Variants in ZNF740 observed in about 807,000 individuals in gnomAD.
ZNF740 encodes the protein zinc finger protein 740.
A neutral mutation model predicts 24.8 loss-of-function variants in ZNF740; 14 were observed. That is an observed-to-expected ratio of 0.56 (90% CI 0.37 to 0.88). The LOEUF is 0.88. ZNF740 is among the 40% of genes least tolerant of loss of function. The pLI is 0.00. For synonymous variants in ZNF740, 69 were observed against 84.0 expected (o/e 0.82, Z 0.98); for missense variants, 201 against 247.9 (o/e 0.81, Z 1.27).
Position 53,182,241 on chromosome 12 carries a change from G to A in ZNF740, c.9+249G>A, listed in dbSNP as rs542324798. 155 of 546,630 alleles carry A rather than the reference G, an allele frequency of 2.8e-4. 1 individual carries two copies. The highest frequency in any genetic ancestry group is 4.4e-4 in the Non-Finnish European group (134 of 307,168). The allele number at this position is 546,630 out of a possible 1,614,324, so 33.9% of individuals were successfully genotyped here. On this transcript the variant is annotated intron_variant, in intron 2 of 6. Transcript: ENST00000416904. Reference sequence around the variant, plus strand: ...TGATGGGACATTTGCAAAGCAACGTGTACTCAGTTTACATTTGGTACATTA... The same window carrying A: ...TGATGGGACATTTGCAAAGCAACGTATACTCAGTTTACATTTGGTACATTA...
Position 53,184,964 on chromosome 12 carries a change from T to C in ZNF740, c.83T>C (p.Leu28Pro), listed in dbSNP as rs1941794452. Residue 28 changes from leucine to proline, a missense_variant, in exon 3 of 7, where the codon CTG becomes CCG. Physicochemically the swap from Leu to Pro is moderately conservative, Grantham distance 98 (BLOSUM62 -3). Around this residue, in one of 3 missense-constraint regions of ZNF740, gnomAD observed 117 missense variants for 122.3 expected, o/e 0.96. Coordinates refer to ENST00000416904, the MANE Select transcript of ZNF740 (RefSeq NM_001004304.4). ...VPTAASKKMM[L>P]SQIASKQAEN... ...ACTGCAGCCAGCAAGAAGATGATGC[T>C]GAGCCAGATTGCCAGCAAGCAGGCC... is the stretch of plus-strand genomic sequence containing the variant. 1.2e-6 allele frequency: 2 copies of C among 1,614,044 alleles called. No homozygotes were observed. The highest frequency in any genetic ancestry group is 1.7e-6 in the Non-Finnish European group (2 of 1,179,906).
In ZNF740 at chr12:53,192,268, T is replaced by G; in HGVS notation, c.*4678T>G. The G allele has an allele frequency of 6.6e-7, 1 of 1,507,540 alleles. No individual in the cohort carries two copies. The highest frequency in any genetic ancestry group is 9.2e-7 in the Non-Finnish European group (1 of 1,087,084). 93.4% of individuals were successfully genotyped at this position (1,507,540 alleles called of 1,614,324 possible). On this transcript the variant is annotated 3_prime_UTR_variant, in exon 7 of 7. Transcript: ENST00000416904. Reference sequence around the variant, plus strand: ...TGTTTCCCATTATCTTCACTCTGCATCCCCAGAGTTGAGACCCTGCCCATC... The same window carrying G: ...TGTTTCCCATTATCTTCACTCTGCAGCCCCAGAGTTGAGACCCTGCCCATC...
At position 53,189,973 on chromosome 12, in the gene ZNF740, G is replaced by A. The variant is rs1481764720; in HGVS notation, c.*2383G>A. ...TGTGCCCCTATGTGTACTAATGTGT[G>A]TACTGGGTCAGAAGGTGCCCTGGGT... On this transcript the variant is annotated 3_prime_UTR_variant, in exon 7 of 7. Transcript: ENST00000416904. 7.3e-6 allele frequency: 1 copy of A among 136,142 alleles called. No individual in the cohort carries two copies. The highest frequency in any genetic ancestry group is 1.5e-5 in the Non-Finnish European group (1 of 65,414). The allele number at this position is 136,142 out of a possible 1,614,324, so 8.4% of individuals were successfully genotyped here.
rs1421053288 is a variant in ZNF740 at position 53,194,657 on chromosome 12, T to C, written c.*7067T>C. On this transcript the variant is annotated 3_prime_UTR_variant, in exon 7 of 7. Coordinates refer to ENST00000416904, the MANE Select transcript of ZNF740 (RefSeq NM_001004304.4). Reference sequence around the variant, plus strand: ...TTGTGAAGCCCCACATCAGGACACATAACCTGGGTGCATGCCAGGTCTAAA... The same window carrying C: ...TTGTGAAGCCCCACATCAGGACACACAACCTGGGTGCATGCCAGGTCTAAA... 12 of 279,442 alleles carry C rather than the reference T, an allele frequency of 4.3e-5. No homozygotes were observed. Among genetic ancestry groups the C allele is most frequent in the Admixed American group, 1.3e-4 (3 of 22,720 alleles). 17.3% of individuals were successfully genotyped at this position (279,442 alleles called of 1,614,324 possible).
At chr12:53,184,566 A>G (rs911667611) in intron 2 of ZNF740, among the ~76,000 whole-genome samples, 2 of 152,212 alleles carry the variant, frequency 1.3e-5, no homozygotes, top group Non-Finnish European at 2.9e-5. Context: ...ATGGAACCTC[A>G]TACCCACTCA....
At position 53,192,952 on chromosome 12, in the gene ZNF740, C is replaced by G; in HGVS notation, c.*5362C>G. On this transcript the variant is annotated 3_prime_UTR_variant, in exon 7 of 7. Coordinates refer to ENST00000416904, the MANE Select transcript of ZNF740 (RefSeq NM_001004304.4). ...CAGAGGGTGACAACCATACTCCACACACACAGTTGGCCATCATGTGGCACG... is the reference window on the plus strand; with the variant it reads ...CAGAGGGTGACAACCATACTCCACAGACACAGTTGGCCATCATGTGGCACG... 1 of 1,585,358 alleles carries G rather than the reference C, an allele frequency of 6.3e-7. No homozygotes were observed. Among genetic ancestry groups the G allele is most frequent in the Non-Finnish European group, 8.7e-7 (1 of 1,155,982 alleles).
chr12:53,183,865 A>C (rs1390691966), intron 2 of ZNF740, among the ~76,000 whole-genome samples: 1 of 151,998 alleles, frequency 6.6e-6, no homozygotes, highest in East Asian at 1.9e-4. Context: ...CTCTATAAAT[A>C]CAAAAAAAAA....
rs1941850808 is a variant in ZNF740 at position 53,187,721 on chromosome 12, A to C, written c.*131A>C. The C allele has an allele frequency of 4.3e-6, 3 of 694,364 alleles. No individual in the cohort carries two copies. Among genetic ancestry groups the C allele is most frequent in the African/African-American group, 3.6e-5 (2 of 55,866 alleles). The allele number at this position is 694,364 out of a possible 1,614,324, so 43.0% of individuals were successfully genotyped here. On this transcript the variant is annotated 3_prime_UTR_variant, in exon 7 of 7. Coordinates refer to ENST00000416904, the MANE Select transcript of ZNF740 (RefSeq NM_001004304.4). ...CCTGGAGGAGTGGACCCAGGAGACC[A>C]GAAGAGTGCATCAGGGGACAGTGGC...
chr12:53,195,056 T>G lies in ZNF740; in HGVS notation c.*7466T>G. On this transcript the variant is annotated 3_prime_UTR_variant, in exon 7 of 7. Transcript: ENST00000416904. ...GATGGTAACAGTTATGAAGCAAGGC[T>G]TTTGGCAGGGTTAAATGAAGTAGCA... is the stretch of plus-strand genomic sequence containing the variant. The G allele has an allele frequency of 3.1e-6, 1 of 320,442 alleles. No homozygotes were observed. The highest frequency in any genetic ancestry group is 6.0e-5 in the East Asian group (1 of 16,582). The allele number at this position is 320,442 out of a possible 1,614,324, so 19.8% of individuals were successfully genotyped here. A position where few individuals can be genotyped will look rare whatever the true frequency, so the allele number is the denominator to read the frequency against.
intron 5 of ZNF740, 107 bp downstream of exon 5, chr12:53,186,184 TGAAG>T (rs1941817218): frequency 7.1e-7 from 1 of 1,408,132 alleles, no homozygotes; most frequent in Non-Finnish European, 9.6e-7. Flanking sequence ...GTATTAGAAA[TGAAG>T]GAAGAAGATA....
In ZNF740 at chr12:53,193,721, A is replaced by G. The variant is rs1942055576; in HGVS notation, c.*6131A>G. 1.9e-6 allele frequency: 3 copies of G among 1,612,766 alleles called. No homozygotes were observed. Among genetic ancestry groups the G allele is most frequent in the East Asian group, 2.2e-5 (1 of 44,880 alleles). On this transcript the variant is annotated 3_prime_UTR_variant, in exon 7 of 7. Transcript: ENST00000416904. ...GGAGGCCCTCACCTGCATACACCAC[A>G]TTGTAGGTGTCCCTGGCCATCACTG...
rs1942073828 is a variant in ZNF740, at chr12:53,194,157, C to T, written c.*6567C>T. 1.2e-6 allele frequency: 2 copies of T among 1,612,046 alleles called. No individual in the cohort carries two copies. The highest frequency in any genetic ancestry group is 1.7e-5 in the Admixed American group (1 of 59,962). On this transcript the variant is annotated 3_prime_UTR_variant, in exon 7 of 7. Transcript: ENST00000416904. ...TGCCTGCTTAATTTCCCACTCCCAC[C>T]TCCCCCTGCCCGCCTTCTGCCTGTG... is the stretch of plus-strand genomic sequence containing the variant.
rs760034104 is a variant in ZNF740, at chr12:53,191,747, A to C, written c.*4157A>C. 3.3e-5 allele frequency: 50 copies of C among 1,526,114 alleles called. No homozygotes were observed. Among genetic ancestry groups the C allele is most frequent in the Admixed American group, 2.2e-4 (13 of 59,282 alleles). The allele number at this position is 1,526,114 out of a possible 1,614,324, so 94.5% of individuals were successfully genotyped here. A position where few individuals can be genotyped will look rare whatever the true frequency, so the allele number is the denominator to read the frequency against. On this transcript the variant is annotated 3_prime_UTR_variant, in exon 7 of 7. Coordinates refer to ENST00000416904, the MANE Select transcript of ZNF740 (RefSeq NM_001004304.4). ...ATCCTAGGAGCTGATGGAAGTTAGC[A>C]GAGGGGTTGGTTACATGTGCCAGGG...
At chr12:53,180,994 C>G in intron 1 of ZNF740, 157 bp downstream of exon 1, 1 of 822,838 alleles carries the variant, frequency 1.2e-6, no homozygotes, top group South Asian at 2.5e-5. Flanking sequence ...GGGGAAAGGC[C>G]GTGCGCGCAC....
rs141826130 is a variant in ZNF740, at chr12:53,192,753, G to T, written c.*5163G>T. The T allele has an allele frequency of 6.2e-7, 1 of 1,614,234 alleles. No homozygotes were observed. Among genetic ancestry groups the T allele is most frequent in the Non-Finnish European group, 8.5e-7 (1 of 1,180,050 alleles). ...GGTCGCATAGAGCACCATAGTAGCC[G>T]TCCAAGCACTGGCAGCGGTTGCATT... is the stretch of plus-strand genomic sequence containing the variant. On this transcript the variant is annotated 3_prime_UTR_variant, in exon 7 of 7. Transcript: ENST00000416904.
Position 53,193,625 on chromosome 12 carries a change from G to T in ZNF740, c.*6035G>T. On this transcript the variant is annotated 3_prime_UTR_variant, in exon 7 of 7. Transcript: ENST00000416904. The stretch of plus-strand genomic sequence containing the variant: ...GATGTCGAGGAGACTCCTGTGGGGG[G>T]GATGGAAAGCAGCGGAGGAATACGG... The T allele has an allele frequency of 1.6e-6, 2 of 1,218,424 alleles. No homozygotes were observed. The highest frequency in any genetic ancestry group is 2.3e-6 in the Non-Finnish European group (2 of 872,798). 75.5% of individuals were successfully genotyped at this position (1,218,424 alleles called of 1,614,324 possible). A position where few individuals can be genotyped will look rare whatever the true frequency, so the allele number is the denominator to read the frequency against.
At position 53,192,181 on chromosome 12, in the gene ZNF740, T is replaced by A; in HGVS notation, c.*4591T>A. The stretch of plus-strand genomic sequence containing the variant: ...CTCACCGCCCAGGGCCTTAGCCTCG[T>A]CCACTTGCTCAATTGCCTCTGCCTT... On this transcript the variant is annotated 3_prime_UTR_variant, in exon 7 of 7. Coordinates refer to ENST00000416904, the MANE Select transcript of ZNF740 (RefSeq NM_001004304.4). 8.4e-7 allele frequency: 1 copy of A among 1,191,348 alleles called. No individual in the cohort carries two copies. Among genetic ancestry groups the A allele is most frequent in the Admixed American group, 2.1e-5 (1 of 46,646 alleles). The allele number at this position is 1,191,348 out of a possible 1,614,324, so 73.8% of individuals were successfully genotyped here.
In ZNF740 at chr12:53,185,348, G is replaced by T. The variant is rs760340536; in HGVS notation, c.160-39G>T. On this transcript the variant is annotated intron_variant, in intron 3 of 6. Transcript: ENST00000416904. ...TGCATTGGGTCTCATCTCATGTTCC[G>T]AGATGGGCTATGAGTTTAGATTTGA... is the stretch of plus-strand genomic sequence containing the variant. The T allele has an allele frequency of 5.0e-6, 8 of 1,602,330 alleles. No individual in the cohort carries two copies. The Admixed American group carries it at 1.3e-4, about 27-fold the overall frequency.
chr12:53,182,311 T>C (rs144216997), intron 2 of ZNF740: 213 of 268,218 alleles, frequency 7.9e-4, no homozygotes, highest in African/African-American at 4.2e-3. Context: ...TGAATGCTTC[T>C]TTTGTTTTTT....
Sources: gnomAD v4.1 joint callset for allele counts (sites outside exome capture counted in the v4.1 genomes callset) on GRCh38, gnomAD v4.1.1 for gene constraint, gnomAD v4.1.1 regional missense constraint, MANE v1.5 for transcripts, NCBI Gene and HGNC (gene_info 2026-07-23, HGNC 2026-07-21) for gene names.